RBM39: variants seen among roughly 807,000 people sequenced by gnomAD.
The protein encoded by RBM39 is RNA-binding protein 39.
In RBM39, 12 loss-of-function variants were observed where a neutral mutation model predicts 79.6. That is an observed-to-expected ratio of 0.15 (90% CI 0.10 to 0.24). The LOEUF is 0.24. Among genes scored for constraint, RBM39 ranks in the 10% least tolerant of loss-of-function variants. RBM39 has a pLI of 1.00. For missense variants in RBM39, 243 were observed against 653.4 expected, an observed-to-expected ratio of 0.37 and a Z score of 6.85; for synonymous variants, 185 against 208.4, an observed-to-expected ratio of 0.89 and a Z score of 0.97.
intron 3 of RBM39, among the ~76,000 whole-genome samples, chr20:35,733,404 T>C (rs6058310): frequency 0.11 from 15,899 of 151,374 alleles, 861 homozygotes; most frequent in South Asian, 0.15. Flanking sequence ...GGTCAGGAGT[T>C]CAAGACCAGC....
chr20:35,713,078 G>A lies in RBM39; in HGVS notation c.1115C>T (p.Pro372Leu), dbSNP rs1249521292. 1.2e-6 allele frequency: 2 copies of A among 1,613,648 alleles called. No homozygotes were observed. Among genetic ancestry groups the A allele is most frequent in the Admixed American group, 1.7e-5 (1 of 59,968 alleles). ...RLAEGTGLQIPPAAQQALQMS... is the reference protein window; with the variant it reads ...RLAEGTGLQILPAAQQALQMS... ...CTGTAGAGCTTGCTGTGCTGCTGGC[G>A]GAATCTGCAAACCTGTACCTGTAAA... The change falls in exon 12 of 17, where the codon CCG (proline) becomes CTG (leucine). Residue 372 changes from proline (P) to leucine (L), a missense_variant. Physicochemically the swap from Pro to Leu is moderately conservative, Grantham distance 98. Transcript: ENST00000253363.
At chr20:35,712,088 T>C (rs907495477) in intron 12 of RBM39, among the ~76,000 whole-genome samples, 2 of 152,074 alleles carry the variant, frequency 1.3e-5, no homozygotes, top group African/African-American at 2.4e-5. Context: ...GTTCTTCTTA[T>C]GATGTTCTAA....
At chr20:35,709,130 G>A (rs1743867898) in intron 13 of RBM39, 94 bp downstream of exon 13, 4 of 1,168,132 alleles carry the variant, frequency 3.4e-6, no homozygotes, top group Non-Finnish European at 4.8e-6. Flanking sequence ...CAAATTACTG[G>A]TATAAAAATA....
chr20:35,729,449 T>C lies in RBM39; in HGVS notation c.362+13A>G. ...AAAAACAATTTAAACAATTCAGAAGTATGTTTAAAAACCTTAATTTGATGC... is the reference window on the plus strand; with the variant it reads ...AAAAACAATTTAAACAATTCAGAAGCATGTTTAAAAACCTTAATTTGATGC... On this transcript the variant is annotated intron_variant, in intron 5 of 16. Transcript: ENST00000253363. 1 of 1,612,238 alleles carries C rather than the reference T, an allele frequency of 6.2e-7. No homozygotes were observed. The highest frequency in any genetic ancestry group is 8.5e-7 in the Non-Finnish European group (1 of 1,178,914).
intron 9 of RBM39, among the ~76,000 whole-genome samples, chr20:35,719,192 C>T (rs1274767665): frequency 3.9e-5 from 6 of 151,988 alleles, no homozygotes; most frequent in South Asian, 2.1e-4. Context: ...CACCCAAGAC[C>T]GGCTAATTTT....
At chr20:35,734,650 T>C in intron 3 of RBM39, 1 of 415,322 alleles carries the variant, frequency 2.4e-6, no homozygotes, top group Non-Finnish European at 4.0e-6. Context: ...GAGAGCTAAT[T>C]TTAACTTAAG....
At chr20:35,729,419 C>A (rs2039122166) in intron 5 of RBM39, 43 bp downstream of exon 5, 1 of 1,607,308 alleles carries the variant, frequency 6.2e-7, no homozygotes, top group South Asian at 1.1e-5. Context: ...CATGTTAGTT[C>A]CTTGAAAAAC....
At chr20:35,740,711 TGATAA>T (rs2040408727) in intron 2 of RBM39, 108 bp downstream of exon 2, 9 of 1,321,714 alleles carry the variant, frequency 6.8e-6, no homozygotes, top group Admixed American at 1.8e-5. Flanking sequence ...AATGCATCTC[TGATAA>T]GATAAATCAA....
intron 14 of RBM39, among the ~76,000 whole-genome samples, chr20:35,706,207 G>A (rs919844088): frequency 7.2e-5 from 11 of 152,150 alleles, no homozygotes; most frequent in African/African-American, 2.4e-4. Context: ...GCGTGGTGGT[G>A]TGCACTTGTA....
At chr20:35,741,222 C>CG (rs1271230160) in intron 1 of RBM39, among the ~76,000 whole-genome samples, 1 of 150,622 alleles carries the variant, frequency 6.6e-6, no homozygotes, top group Admixed American at 6.6e-5. Context: ...TTGGTAGAGA[C>CG]GGGGTTTCAC....
At position 35,704,063 on chromosome 20, in the gene RBM39, T is replaced by C. The variant is rs536657848; in HGVS notation, c.*418A>G. The stretch of plus-strand genomic sequence containing the variant: ...CTGTCTTGTATTTCCATACACTAAA[T>C]GTGTATTTCAGAAACTGCTCAACCA... On this transcript the variant is annotated 3_prime_UTR_variant, in exon 17 of 17. Transcript: ENST00000253363. 1.3e-5 allele frequency: 2 copies of C among 157,556 alleles called. No homozygotes were observed. Among genetic ancestry groups the C allele is most frequent in the Admixed American group, 6.1e-5 (1 of 16,346 alleles). 9.8% of individuals were successfully genotyped at this position (157,556 alleles called of 1,614,324 possible). A position where few individuals can be genotyped will look rare whatever the true frequency, so the allele number is the denominator to read the frequency against.
chr20:35,738,366 G>A (rs1245170029), intron 3 of RBM39, among the ~76,000 whole-genome samples: 1 of 152,154 alleles, frequency 6.6e-6, no homozygotes, highest in African/African-American at 2.4e-5. Flanking sequence ...GTTCTATTGA[G>A]TCACTCATCT....
At chr20:35,734,101 A>G in intron 3 of RBM39, 2 of 611,580 alleles carry the variant, frequency 3.3e-6, no homozygotes, top group South Asian at 4.3e-5. Context: ...GTTACATATC[A>G]CAAGAGCAAC....
intron 11 of RBM39, 73 bp from the exon 12 acceptor site, chr20:35,713,169 C>T (rs115820125): frequency 1.6e-6 from 2 of 1,276,002 alleles, no homozygotes; most frequent in Non-Finnish European, 2.2e-6. Context: ...TCATTAATAT[C>T]ATGATCACTT....
At chr20:35,735,774 A>G (rs1184440228) in intron 3 of RBM39, among the ~76,000 whole-genome samples, 3 of 152,198 alleles carry the variant, frequency 2.0e-5, no homozygotes, top group African/African-American at 7.2e-5. Flanking sequence ...GTCTGACTGG[A>G]AAGTATTTTA....
rs766183884 is a variant in RBM39, at chr20:35,731,975, C to G, written c.262G>C (p.Asp88His). The part of the protein sequence containing the change: ...ERRRSRSRSR[D>H]RRFRGRYRSP... ...CTGTAGCGGCCTCTAAATCTTCGAT[C>G]TCGACTTCTTGAGCGGCTCCGTCGC... Residue 88 changes from aspartate (D) to histidine (H), a missense_variant, in exon 4 of 17, where the codon GAT becomes CAT. By Grantham distance (81) the Asp-to-His change is moderately conservative. Transcript: ENST00000253363. The G allele has an allele frequency of 6.2e-7, 1 of 1,614,126 alleles. No individual in the cohort carries two copies. Among genetic ancestry groups the G allele is most frequent in the East Asian group, 2.2e-5 (1 of 44,888 alleles).
intron 2 of RBM39, chr20:35,740,385 G>A: frequency 2.6e-6 from 1 of 389,536 alleles, no homozygotes; most frequent in South Asian, 2.1e-5. Context: ...GACTGGTCAT[G>A]CTTTGTTATT....
At chr20:35,705,434 C>T (rs1568980852) in intron 14 of RBM39, 104 bp from the exon 15 acceptor site, 2 of 688,178 alleles carry the variant, frequency 2.9e-6, no homozygotes, top group Non-Finnish European at 4.6e-6. Context: ...AAAAAAAATA[C>T]TTTGGAAAAA....
At chr20:35,714,164 G>GT in intron 11 of RBM39, 21 bp downstream of exon 11, 2 of 1,606,124 alleles carry the variant, frequency 1.2e-6, no homozygotes, top group Non-Finnish European at 1.7e-6. Context: ...TAAATCATTC[G>GT]TAATAGCAAG....
Sources: allele counts gnomAD v4.1 joint callset (sites outside exome capture counted in the v4.1 genomes callset), GRCh38; gene constraint gnomAD v4.1.1; transcripts MANE v1.5; gene names NCBI Gene and HGNC (gene_info 2026-07-23, HGNC 2026-07-21).